The following PEPD variants were observed in gnomAD, a reference collection of about 807,000 sequenced individuals.
The protein encoded by PEPD is xaa-Pro dipeptidase.
Under a neutral mutation model 60.7 loss-of-function variants are expected in PEPD, and 53 were observed. The ratio of observed to expected loss-of-function variants is 0.87; its 90% CI spans 0.70 to 1.10. The LOEUF (loss-of-function observed/expected upper bound fraction) is 1.10, where lower values mean the gene tolerates loss of function less well. Among genes scored for constraint, PEPD ranks in the 50% least tolerant of loss-of-function variants. The pLI is 0.00. For synonymous variants in PEPD, 267 were observed against 284.1 expected (o/e 0.94, Z 0.60); for missense variants, 711 against 711.9 (o/e 1.00, Z 0.01).
intron 6 of PEPD, among the ~76,000 whole-genome samples, chr19:33,487,988 G>C (rs1460881658): frequency 6.6e-6 from 1 of 152,116 alleles, no homozygotes; most frequent in Non-Finnish European, 1.5e-5. Context: ...ACCTCAAGGA[G>C]CAGCTGGCAG....
intron 12 of PEPD, among the ~76,000 whole-genome samples, chr19:33,396,912 G>A (rs1968379663): frequency 6.6e-6 from 1 of 152,152 alleles, no homozygotes; most frequent in South Asian, 2.1e-4. Flanking sequence ...TGCCAATGCA[G>A]ACCCTGACTC....
intron 9 of PEPD, among the ~76,000 whole-genome samples, chr19:33,447,621 C>T (rs548832011): frequency 4.6e-5 from 7 of 152,328 alleles, no homozygotes; most frequent in East Asian, 1.9e-4. Context: ...ACCTGTAACA[C>T]GGAAGCCAAC....
Position 33,388,038 on chromosome 19 carries a change from G to A in PEPD, c.1196C>T (p.Thr399Ile), listed in dbSNP as rs1568442851. ...CATGCCTGGCTGCAGGTGCCGTGCA[G>A]TGCGCAGGCTCCGCAGGCCGGGCTC... ...IDEPGLRSLR[T>I]ARHLQPGMVL... Residue 399 changes from threonine to isoleucine, a missense_variant, in exon 14 of 15, where the codon ACT becomes ATT. Coordinates refer to ENST00000244137, the MANE Select transcript of PEPD (RefSeq NM_000285.4). The A allele has an allele frequency of 1.3e-6, 2 of 1,561,884 alleles. No individual in the cohort carries two copies. The highest frequency in any genetic ancestry group is 1.9e-5 in the Admixed American group (1 of 52,270).
At chr19:33,505,711 G>A (rs1250623607) in intron 3 of PEPD, among the ~76,000 whole-genome samples, 5 of 145,850 alleles carry the variant, frequency 3.4e-5, no homozygotes, top group Admixed American at 3.4e-4. Context: ...ACACACACCT[G>A]CACACAACAC....
intron 12 of PEPD, among the ~76,000 whole-genome samples, chr19:33,396,576 A>G (rs958956538): frequency 6.6e-6 from 1 of 152,092 alleles, no homozygotes; most frequent in Non-Finnish European, 1.5e-5. Context: ...AACGAAACAC[A>G]AAAGAGCTCA....
chr19:33,477,508 G>A (rs1471450355), intron 7 of PEPD, among the ~76,000 whole-genome samples: 2 of 152,228 alleles, frequency 1.3e-5, no homozygotes, highest in Admixed American at 1.3e-4. Flanking sequence ...GGCACACTGG[G>A]ATGCGAGGGC....
intron 12 of PEPD, among the ~76,000 whole-genome samples, chr19:33,393,491 C>T (rs1288360257): frequency 6.8e-6 from 1 of 147,958 alleles, no homozygotes; most frequent in African/African-American, 2.7e-5. Context: ...TCCCCCGCCT[C>T]CGTGAGCCTC....
chr19:33,485,149 C>T (rs184591158), intron 6 of PEPD, among the ~76,000 whole-genome samples: 22 of 152,284 alleles, frequency 1.4e-4, no homozygotes, highest in Admixed American at 1.0e-3. Context: ...GTCAGGTTCT[C>T]ACCTCTTGAG....
chr19:33,513,025 C>A (rs112548346), intron 1 of PEPD, among the ~76,000 whole-genome samples: 1 of 151,440 alleles, frequency 6.6e-6, no homozygotes. Flanking sequence ...GCTCCTCTGC[C>A]CCCCAACCAA....
intron 9 of PEPD, among the ~76,000 whole-genome samples, chr19:33,434,464 T>C (rs1199105684): frequency 6.6e-6 from 1 of 152,044 alleles, no homozygotes; most frequent in Non-Finnish European, 1.5e-5. Context: ...GCTCATCACT[T>C]TGTGGGCCTA....
chr19:33,477,562 C>T (rs1048982517), intron 7 of PEPD, among the ~76,000 whole-genome samples: 6 of 152,190 alleles, frequency 3.9e-5, no homozygotes, highest in African/African-American at 1.4e-4. Context: ...TAAGACAGCT[C>T]ACTTTGTAGG....
chr19:33,495,951 A>G (rs956720590), intron 4 of PEPD, among the ~76,000 whole-genome samples: 1 of 152,196 alleles, frequency 6.6e-6, no homozygotes, highest in Non-Finnish European at 1.5e-5. Context: ...ACTGCACCCC[A>G]GCCTGGGGGG....
chr19:33,394,590 C>T (rs996937902), intron 12 of PEPD, among the ~76,000 whole-genome samples: 1 of 152,216 alleles, frequency 6.6e-6, no homozygotes, highest in African/African-American at 2.4e-5. Context: ...ACCGCCTGGG[C>T]GGGGGCCCCT....
At chr19:33,410,361 AC>A (rs1192796100) in intron 11 of PEPD, among the ~76,000 whole-genome samples, 1 of 148,274 alleles carries the variant, frequency 6.7e-6, no homozygotes, top group Non-Finnish European at 1.5e-5. Context: ...GGCAGGGAGG[AC>A]CCCGAGACTG....
intron 12 of PEPD, among the ~76,000 whole-genome samples, chr19:33,401,461 G>C (rs913852876): frequency 2.0e-5 from 3 of 152,166 alleles, no homozygotes; most frequent in African/African-American, 7.2e-5. Context: ...GTGGAGATGC[G>C]CAGGTGGAGG....
intron 7 of PEPD, among the ~76,000 whole-genome samples, chr19:33,472,886 A>C (rs1222345950): frequency 1.3e-5 from 2 of 152,220 alleles, no homozygotes; most frequent in African/African-American, 4.8e-5. Flanking sequence ...CCCACACTCC[A>C]TGACCCAGTG....
chr19:33,500,488 T>C (rs1357775272), intron 4 of PEPD, among the ~76,000 whole-genome samples: 4 of 152,296 alleles, frequency 2.6e-5, no homozygotes, highest in Admixed American at 6.5e-5. Flanking sequence ...GAGAAGTGGA[T>C]TGAAGTCAGG....
chr19:33,476,287 G>A (rs183050241), intron 7 of PEPD, among the ~76,000 whole-genome samples: 117 of 152,224 alleles, frequency 7.7e-4, no homozygotes, highest in Middle Eastern at 3.4e-3. Flanking sequence ...CAGTATTAGC[G>A]CCTGTCATCG....
intron 3 of PEPD, among the ~76,000 whole-genome samples, chr19:33,505,632 G>A (rs1253157134): frequency 6.6e-6 from 1 of 151,748 alleles, no homozygotes; most frequent in African/African-American, 2.4e-5. Flanking sequence ...ACACTTAGTG[G>A]GGCAGAGCTG....
Sources: allele counts gnomAD v4.1 joint callset (sites outside exome capture counted in the v4.1 genomes callset), GRCh38; gene constraint gnomAD v4.1.1; transcripts MANE v1.5; gene names NCBI Gene and HGNC (gene_info 2026-07-23, HGNC 2026-07-21).